The following RBM19 variants were observed in gnomAD, a reference collection of about 807,000 sequenced individuals.
RBM19 encodes the protein probable RNA-binding protein 19.
A neutral mutation model predicts 116.8 loss-of-function variants in RBM19; 94 were observed. That is an observed-to-expected ratio of 0.80 (90% CI 0.68 to 0.95). RBM19 has a LOEUF of 0.95. Ranked by LOEUF, RBM19 falls within the 40% of genes least tolerant of loss-of-function variation. RBM19 has a pLI of 0.00. For synonymous variants in RBM19, 475 were observed against 494.1 expected, an observed-to-expected ratio of 0.96 and a Z score of 0.51; for missense variants, 1,161 against 1,220.7, an observed-to-expected ratio of 0.95 and a Z score of 0.73.
At chr12:113,946,263 G>T (rs1871008776) in intron 12 of RBM19, 91 bp downstream of exon 12, 1 of 1,563,524 alleles carries the variant, frequency 6.4e-7, no homozygotes, top group South Asian at 1.1e-5. Flanking sequence ...AACCCATCAG[G>T]AGTCAGAAGA....
At chr12:113,960,330 C>A in intron 2 of RBM19, 152 bp from the exon 3 acceptor site, 1 of 933,718 alleles carries the variant, frequency 1.1e-6, no homozygotes. Context: ...TTAGCCTGGG[C>A]TTTCTTTCCC....
intron 14 of RBM19, 39 bp downstream of exon 14, chr12:113,942,285 A>G (rs767052968): frequency 3.2e-6 from 5 of 1,575,768 alleles, no homozygotes; most frequent in Non-Finnish European, 4.3e-6. Context: ...TCGACTCTCC[A>G]GTGGCTGCTG....
intron 21 of RBM19, among the ~76,000 whole-genome samples, chr12:113,895,475 T>C (rs759068231): frequency 6.6e-6 from 1 of 152,196 alleles, no homozygotes; most frequent in Non-Finnish European, 1.5e-5. Flanking sequence ...TGAGGAGAGT[T>C]ACATGGGTGA....
At chr12:113,885,640 A>G (rs185252401) in intron 21 of RBM19, among the ~76,000 whole-genome samples, 1 of 152,266 alleles carries the variant, frequency 6.6e-6, no homozygotes, top group Non-Finnish European at 1.5e-5. Context: ...ATACTTTTAG[A>G]TATTTACTGG....
chr12:113,878,561 C>A (rs1315228543), intron 21 of RBM19, among the ~76,000 whole-genome samples: 1 of 151,786 alleles, frequency 6.6e-6, no homozygotes, highest in African/African-American at 2.4e-5. Flanking sequence ...AAGGGACAAG[C>A]CACCTTACCA....
rs1870101410 is a variant in RBM19 at position 113,936,756 on chromosome 12, T to C, written c.2068+251A>G. On this transcript the variant is annotated intron_variant, in intron 16 of 23. Transcript: ENST00000261741. ...TTATACTTGCTCTGCTTTGAATCCT[T>C]GTTAATAGATAGTAATTTTTTTCCC... 9.9e-6 allele frequency: 4 copies of C among 404,768 alleles called. No homozygotes were observed. In the Admixed American group the frequency reaches 1.6e-4, roughly 17 times the overall value. 25.1% of individuals were successfully genotyped at this position (404,768 alleles called of 1,614,324 possible).
intron 21 of RBM19, among the ~76,000 whole-genome samples, chr12:113,905,218 C>T (rs1322618043): frequency 6.6e-6 from 1 of 152,218 alleles, no homozygotes; most frequent in African/African-American, 2.4e-5. Flanking sequence ...ATTACAAAGC[C>T]TTGGTAATTA....
At chr12:113,946,588 T>A (rs142903408) in intron 11 of RBM19, 113 bp from the exon 12 acceptor site, 10 of 1,426,316 alleles carry the variant, frequency 7.0e-6, no homozygotes, top group South Asian at 2.5e-5. Context: ...ACTGAAACCC[T>A]GACCAGAGGG....
chr12:113,916,822 C>T (rs945804606), intron 20 of RBM19, among the ~76,000 whole-genome samples: 1 of 152,362 alleles, frequency 6.6e-6, no homozygotes, highest in East Asian at 1.9e-4. Flanking sequence ...GACATCCTGA[C>T]TGTAACCTCA....
At chr12:113,837,599 T>C (rs1876084410) in intron 23 of RBM19, among the ~76,000 whole-genome samples, 2 of 152,166 alleles carry the variant, frequency 1.3e-5, no homozygotes, top group African/African-American at 4.8e-5. Flanking sequence ...GCAGAGCGAC[T>C]TGCCTGAGGT....
At chr12:113,881,055 T>G (rs1369313152) in intron 21 of RBM19, among the ~76,000 whole-genome samples, 1 of 152,148 alleles carries the variant, frequency 6.6e-6, no homozygotes. Context: ...TCCCCTCAAT[T>G]TGCTTCCTTA....
At chr12:113,829,924 C>T (rs1418328331) in intron 23 of RBM19, among the ~76,000 whole-genome samples, 2 of 152,244 alleles carry the variant, frequency 1.3e-5, no homozygotes, top group Admixed American at 1.3e-4. Flanking sequence ...GCAGGGACCA[C>T]TCCTCAGGCG....
At chr12:113,929,968 G>C (rs982917563) in intron 16 of RBM19, among the ~76,000 whole-genome samples, 10 of 152,238 alleles carry the variant, frequency 6.6e-5, no homozygotes, top group African/African-American at 2.4e-4. Flanking sequence ...CCAGTTTAAA[G>C]GACAGCCCCT....
In RBM19 at chr12:113,882,562, C is replaced by T. The variant is rs116450767; in HGVS notation, c.2559-23666G>A. ...AACGACTGGCACAGCCTGCTCAGTA[C>T]TGAAAAGAGCCAGAGAAGGCCCTGG... On this transcript the variant is annotated intron_variant, in intron 21 of 23. Transcript: ENST00000261741. Among the ~76,000 whole-genome samples, 336 of 152,352 alleles carry T rather than the reference C, an allele frequency of 2.2e-3. 1 individual carries two copies. The highest frequency in any genetic ancestry group is 7.7e-3 in the African/African-American group (322 of 41,578).
chr12:113,840,723 G>A (rs948614587), intron 23 of RBM19, among the ~76,000 whole-genome samples: 3 of 152,190 alleles, frequency 2.0e-5, no homozygotes, highest in African/African-American at 7.2e-5. Flanking sequence ...TCTGGCAGGG[G>A]CTGTGTCCCT....
intron 23 of RBM19, among the ~76,000 whole-genome samples, chr12:113,842,901 G>A (rs1876624064): frequency 6.6e-6 from 1 of 152,238 alleles, no homozygotes; most frequent in Non-Finnish European, 1.5e-5. Flanking sequence ...GGGGAACAAT[G>A]AACTCTGTGG....
At chr12:113,932,931 C>T (rs879351597) in intron 16 of RBM19, among the ~76,000 whole-genome samples, 1 of 152,108 alleles carries the variant, frequency 6.6e-6, no homozygotes, top group Non-Finnish European at 1.5e-5. Context: ...AATCCAGTCA[C>T]GCATCGCCAC....
chr12:113,901,339 T>C (rs1881671807), intron 21 of RBM19, among the ~76,000 whole-genome samples: 1 of 152,080 alleles, frequency 6.6e-6, no homozygotes, highest in Non-Finnish European at 1.5e-5. Context: ...GAATATTAGT[T>C]TCCTTCTGAC....
downstream of RBM19, among the ~76,000 whole-genome samples, chr12:113,818,379 C>T (rs1025200069): frequency 6.6e-6 from 1 of 152,178 alleles, no homozygotes; most frequent in African/African-American, 2.4e-5. Context: ...TGCTGGTTTG[C>T]CTACTGGGGC....
Sources: allele counts gnomAD v4.1 joint callset (sites outside exome capture counted in the v4.1 genomes callset), GRCh38; gene constraint gnomAD v4.1.1; transcripts MANE v1.5; gene names NCBI Gene and HGNC (gene_info 2026-07-23, HGNC 2026-07-21).